The following FNIP2 variants were observed in gnomAD, a reference collection of about 807,000 sequenced individuals.
FNIP2 encodes folliculin-interacting protein 2.
In FNIP2, 32 loss-of-function variants were observed where a neutral mutation model predicts 108.7. The ratio of observed to expected loss-of-function variants is 0.29; its 90% CI spans 0.22 to 0.40. The LOEUF is 0.40. FNIP2 is among the 10% of genes least tolerant of loss of function. FNIP2 has a pLI of 1.00. For missense variants in FNIP2, 1,202 were observed against 1,381.6 expected (o/e 0.87, Z 2.06); for synonymous variants, 480 against 496.7 (o/e 0.97, Z 0.45).
chr4:158,854,099 T>C (rs1488393755), intron 8 of FNIP2, among the ~76,000 whole-genome samples: 1 of 152,250 alleles, frequency 6.6e-6, no homozygotes, highest in East Asian at 1.9e-4. Context: ...CTTTGCAGTG[T>C]TGCAGCAGTT....
chr4:158,819,438 G>C (rs1004023449), intron 1 of FNIP2, among the ~76,000 whole-genome samples: 1 of 152,152 alleles, frequency 6.6e-6, no homozygotes, highest in Admixed American at 6.5e-5. Flanking sequence ...ATATATTAAA[G>C]CTTCTGATAA....
In FNIP2 at chr4:158,907,693, T is replaced by A. The variant is rs1729961340; in HGVS notation, c.*3149T>A. ...TGAAAATGTCTTCAGCTTCTCTTGG[T>A]AAATGTGAACCATTTGTTTTTTATT... On this transcript the variant is annotated 3_prime_UTR_variant, in exon 17 of 17. Coordinates refer to ENST00000264433, the MANE Select transcript of FNIP2 (RefSeq NM_020840.3). The A allele has an allele frequency of 1.3e-5, 2 of 152,248 alleles. No individual in the cohort carries two copies. Among genetic ancestry groups the A allele is most frequent in the Non-Finnish European group, 2.9e-5 (2 of 68,030 alleles). The allele number at this position is 152,248 out of a possible 1,614,324, so 9.4% of individuals were successfully genotyped here. A position where few individuals can be genotyped will look rare whatever the true frequency, so the allele number is the denominator to read the frequency against.
chr4:158,860,274 T>A (rs1780205098), intron 10 of FNIP2, among the ~76,000 whole-genome samples: 1 of 152,146 alleles, frequency 6.6e-6, no homozygotes, highest in Non-Finnish European at 1.5e-5. Flanking sequence ...TCCAAAGCAG[T>A]CATGAGCGAA....
intron 8 of FNIP2, among the ~76,000 whole-genome samples, chr4:158,856,706 T>C (rs1780004686): frequency 6.6e-6 from 1 of 152,192 alleles, no homozygotes; most frequent in African/African-American, 2.4e-5. Context: ...AACTCCAGCA[T>C]TGTTACTAAG....
At chr4:158,807,002 C>T (rs1486570992) in intron 1 of FNIP2, among the ~76,000 whole-genome samples, 4 of 152,074 alleles carry the variant, frequency 2.6e-5, no homozygotes, top group Non-Finnish European at 5.9e-5. Context: ...TTATTTCATC[C>T]ACGTTCTTCC....
At chr4:158,798,316 G>A (rs1406626181) in intron 1 of FNIP2, among the ~76,000 whole-genome samples, 2 of 151,960 alleles carry the variant, frequency 1.3e-5, no homozygotes, top group Non-Finnish European at 2.9e-5. Context: ...CTCCCACCTC[G>A]GCCTCCCAAA....
chr4:158,874,507 AGC>A (rs1781145844), intron 14 of FNIP2, among the ~76,000 whole-genome samples: 2 of 151,408 alleles, frequency 1.3e-5, no homozygotes, highest in South Asian at 2.1e-4. Flanking sequence ...AAAAAAAAAT[AGC>A]TAGGCATGGT....
intron 12 of FNIP2, among the ~76,000 whole-genome samples, chr4:158,864,346 A>T (rs1410254139): frequency 6.6e-6 from 1 of 152,218 alleles, no homozygotes; most frequent in African/African-American, 2.4e-5. Flanking sequence ...ACATTTAAAT[A>T]ACCCACAAGC....
intron 7 of FNIP2, among the ~76,000 whole-genome samples, chr4:158,845,928 A>G (rs2126636530): frequency 6.6e-6 from 1 of 152,368 alleles, no homozygotes; most frequent in South Asian, 2.1e-4. Flanking sequence ...GTCATTCAGC[A>G]GGAAAAAAGG....
Position 158,859,652 on chromosome 4 carries a change from T to C in FNIP2, c.1134T>C (p.Ala378=), listed in dbSNP as rs753195332. 1.2e-6 allele frequency: 2 copies of C among 1,613,144 alleles called. No homozygotes were observed. The highest frequency in any genetic ancestry group is 1.7e-6 in the Non-Finnish European group (2 of 1,179,532). Residue 378 remains alanine (A), a synonymous_variant, in exon 10 of 17, where the codon GCT becomes GCC. Coordinates refer to ENST00000264433, the MANE Select transcript of FNIP2 (RefSeq NM_020840.3). ...VQFYVSRLME[A]LGEFRGTIWN... ...TTTATGTCAGCCGTTTGATGGAAGC[T>C]CTGGGAGAATTCAGGTAAAGTGGCA...
chr4:158,836,317 C>T (rs1002422443), intron 7 of FNIP2: 2 of 152,192 alleles, frequency 1.3e-5, no homozygotes, highest in African/African-American at 4.8e-5. Flanking sequence ...GCCTCAGAGC[C>T]TTTTAACCCA....
At chr4:158,892,998 T>G (rs1331585880) in intron 15 of FNIP2, 1 of 152,200 alleles carries the variant, frequency 6.6e-6, no homozygotes, top group Non-Finnish European at 1.5e-5. Context: ...ACCGTCTGGT[T>G]GTTATCAAAG....
At position 158,769,224 on chromosome 4, in the gene FNIP2, C is replaced by A; in HGVS notation, c.12C>A (p.Thr4=). The change falls in exon 1 of 17, where the codon ACC becomes ACA. Residue 4 remains threonine, a synonymous_variant. Transcript: ENST00000264433. The part of the protein sequence containing the change: MAP[T]LLQKLFNKRG... ...GCGGCGGCGGCATCATGGCCCCGAC[C>A]CTGCTCCAGAAGCTCTTCAACAAAA... 6.7e-7 allele frequency: 1 copy of A among 1,495,510 alleles called. No individual in the cohort carries two copies. Among genetic ancestry groups the A allele is most frequent in the Non-Finnish European group, 8.9e-7 (1 of 1,124,192 alleles). 92.6% of individuals were successfully genotyped at this position (1,495,510 alleles called of 1,614,324 possible). A position where few individuals can be genotyped will look rare whatever the true frequency, so the allele number is the denominator to read the frequency against.
At chr4:158,866,825 C>T (rs1222081646) in intron 12 of FNIP2, among the ~76,000 whole-genome samples, 1 of 152,208 alleles carries the variant, frequency 6.6e-6, no homozygotes, top group Non-Finnish European at 1.5e-5. Flanking sequence ...CATCCACCTG[C>T]CTCAGCCTCC....
chr4:158,863,793 C>G (rs1167880229), intron 12 of FNIP2, among the ~76,000 whole-genome samples: 1 of 145,954 alleles, frequency 6.9e-6, no homozygotes, highest in African/African-American at 2.5e-5. Flanking sequence ...ACTGTCTACA[C>G]CACTGACTGA....
Position 158,793,272 on chromosome 4 carries a change from G to A in FNIP2, c.107+23953G>A, listed in dbSNP as rs78414405. ...CCAGAAATTCCAAGAACCCTGAGAC[G>A]TGATCTAGGAATCCTAAATGTCCAG... is the stretch of plus-strand genomic sequence containing the variant. On this transcript the variant is annotated intron_variant, in intron 1 of 16. Coordinates refer to ENST00000264433, the MANE Select transcript of FNIP2 (RefSeq NM_020840.3). 9.0e-3 allele frequency among the ~76,000 whole-genome samples: 1,378 copies of A among 152,304 alleles called. 16 individuals are homozygous for A. The highest frequency in any genetic ancestry group is 0.051 in the Middle Eastern group (15 of 294).
chr4:158,804,736 G>A (rs1776882886), intron 1 of FNIP2, among the ~76,000 whole-genome samples: 1 of 152,082 alleles, frequency 6.6e-6, no homozygotes, highest in Non-Finnish European at 1.5e-5. Flanking sequence ...GTAATCTTTT[G>A]GTTCTCTGTT....
intron 14 of FNIP2, among the ~76,000 whole-genome samples, chr4:158,882,114 G>A (rs1289970571): frequency 4.6e-5 from 7 of 151,366 alleles, no homozygotes; most frequent in South Asian, 2.1e-4. Context: ...CTGCCTGGCC[G>A]CCCCGTCTGA....
intron 1 of FNIP2, among the ~76,000 whole-genome samples, chr4:158,810,671 C>G (rs1043169862): frequency 6.6e-6 from 1 of 152,196 alleles, no homozygotes; most frequent in African/African-American, 2.4e-5. Context: ...TAACAACTGA[C>G]ATCAGCTTTT....
Sources: gnomAD v4.1 joint callset for allele counts (sites outside exome capture counted in the v4.1 genomes callset) on GRCh38, gnomAD v4.1.1 for gene constraint, MANE v1.5 for transcripts, NCBI Gene and HGNC (gene_info 2026-07-23, HGNC 2026-07-21) for gene names.